The following PCDHA8 variants were observed in gnomAD, a reference collection of about 807,000 sequenced individuals.
The protein encoded by PCDHA8 is protocadherin alpha-8.
A neutral mutation model predicts 61.8 loss-of-function variants in PCDHA8; 53 were observed. That is an observed-to-expected ratio of 0.86 (90% confidence interval 0.69 to 1.08). PCDHA8 has a LOEUF of 1.08. Ranked by LOEUF, PCDHA8 falls within the 50% of genes least tolerant of loss-of-function variation. PCDHA8 has a pLI of 0.00. For synonymous variants in PCDHA8, 618 were observed against 556.6 expected (o/e 1.11, Z -1.55); for missense variants, 1,293 against 1,245.0 (o/e 1.04, Z -0.58).
chr5:140,885,611 A>G (rs1422835119), intron 1 of PCDHA8, among the ~76,000 whole-genome samples: 5 of 152,216 alleles, frequency 3.3e-5, no homozygotes, highest in Non-Finnish European at 4.4e-5. Flanking sequence ...AATTTTAATT[A>G]TAAAATATGT....
intron 1 of PCDHA8, chr5:140,875,698 G>T: frequency 6.2e-7 from 1 of 1,614,084 alleles, no homozygotes; most frequent in Non-Finnish European, 8.5e-7. Flanking sequence ...GGACCTTCTG[G>T]AGGTAAATCT....
intron 1 of PCDHA8, chr5:140,857,302 G>T: frequency 6.3e-7 from 1 of 1,598,652 alleles, no homozygotes; most frequent in Non-Finnish European, 8.6e-7. Flanking sequence ...AGAGGGTGTC[G>T]GCCTATGAGC....
rs373714901 is a variant in PCDHA8, at chr5:140,898,150, G to T, written c.2394+54435G>T. 6.9e-3 allele frequency among the ~76,000 whole-genome samples: 1,047 copies of T among 152,166 alleles called. 8 individuals are homozygous for T. The highest frequency in any genetic ancestry group is 0.024 in the African/African-American group (1,013 of 41,482). ...CCCATTTTGTAGGTTGCCTGTTCAC[G>T]CTGATGGTGGTTTCTTTTGCTGTGC... On this transcript the variant is annotated intron_variant, in intron 1 of 3. Transcript: ENST00000531613.
chr5:140,885,083 C>T (rs1359793188), intron 1 of PCDHA8, among the ~76,000 whole-genome samples: 3 of 151,992 alleles, frequency 2.0e-5, no homozygotes, highest in Admixed American at 6.5e-5. Context: ...TAAAGAGCCC[C>T]ATAACTTTTC....
chr5:140,885,229 C>A (rs1410460890), intron 1 of PCDHA8, among the ~76,000 whole-genome samples: 2 of 151,932 alleles, frequency 1.3e-5, no homozygotes, highest in African/African-American at 4.8e-5. Context: ...TGTGATTCTG[C>A]TTTCAATTTT....
intron 1 of PCDHA8, among the ~76,000 whole-genome samples, chr5:140,906,871 A>G (rs953788729): frequency 6.6e-6 from 1 of 152,184 alleles, no homozygotes; most frequent in African/African-American, 2.4e-5. Flanking sequence ...CCCAGCCAAC[A>G]CTGTAACTTC....
At chr5:140,869,117 A>G in intron 1 of PCDHA8, 2 of 1,605,428 alleles carry the variant, frequency 1.2e-6, no homozygotes, top group Non-Finnish European at 1.7e-6. Context: ...TTTGGTTTTC[A>G]GAGAAGGGGA....
intron 3 of PCDHA8, among the ~76,000 whole-genome samples, chr5:140,994,545 A>T (rs1397619431): frequency 2.6e-5 from 4 of 152,074 alleles, no homozygotes; most frequent in African/African-American, 9.7e-5. Flanking sequence ...TCTACAAAAA[A>T]AATATAAAAA....
intron 3 of PCDHA8, among the ~76,000 whole-genome samples, chr5:140,997,793 T>G (rs2097785892): frequency 6.6e-6 from 1 of 152,112 alleles, no homozygotes; most frequent in Non-Finnish European, 1.5e-5. Context: ...ATATTATAAT[T>G]TATCCAATTT....
intron 1 of PCDHA8, among the ~76,000 whole-genome samples, chr5:140,969,881 G>C (rs1554232131): frequency 6.6e-6 from 1 of 152,196 alleles, no homozygotes; most frequent in African/African-American, 2.4e-5. Flanking sequence ...CTATGTGATA[G>C]GATCCTCTGG....
At chr5:140,969,170 G>A in intron 1 of PCDHA8, 1 of 1,614,114 alleles carries the variant, frequency 6.2e-7, no homozygotes. Flanking sequence ...AGCAGGCTCA[G>A]GGAGTGACAC....
chr5:141,000,365 C>CTG (rs2097904906), intron 3 of PCDHA8, among the ~76,000 whole-genome samples: 2 of 12,832 alleles, frequency 1.6e-4, no homozygotes, highest in Non-Finnish European at 2.6e-4. Flanking sequence ...CTCTCTGTCT[C>CTG]TCTCTCTCTC....
Position 140,857,571 on chromosome 5 carries a change from C to G in PCDHA8, c.2394+13856C>G, listed in dbSNP as rs782707848. 16 of 1,596,746 alleles carry G rather than the reference C, an allele frequency of 1.0e-5. 2 individuals are homozygous for G. Among genetic ancestry groups the G allele is most frequent in the East Asian group, 2.2e-5 (1 of 44,820 alleles). ...GAGCGCTCGCTGTCGAGCTACGTGT[C>G]GGTGCACGCGGAGAGCGGCAAGGTG... On this transcript the variant is annotated intron_variant, in intron 1 of 3. Transcript: ENST00000531613.
chr5:140,907,708 C>T (rs1477501652), intron 1 of PCDHA8, among the ~76,000 whole-genome samples: 1 of 152,142 alleles, frequency 6.6e-6, no homozygotes, highest in East Asian at 1.9e-4. Flanking sequence ...TGTTGCTGAG[C>T]CCATGTGTAA....
intron 1 of PCDHA8, among the ~76,000 whole-genome samples, chr5:140,846,986 C>A (rs1780801174): frequency 6.7e-6 from 1 of 149,066 alleles, no homozygotes; most frequent in South Asian, 2.1e-4. Flanking sequence ...AGTAAGTTCC[C>A]CCCGGGAGAA....
At chr5:140,937,788 T>C (rs2091751340) in intron 1 of PCDHA8, among the ~76,000 whole-genome samples, 1 of 149,320 alleles carries the variant, frequency 6.7e-6, no homozygotes, top group African/African-American at 2.5e-5. Flanking sequence ...GGCGGGCGTA[T>C]GTAGTCCCAG....
chr5:140,852,153 T>C, intron 1 of PCDHA8: 1 of 858,712 alleles, frequency 1.2e-6, no homozygotes, highest in Non-Finnish European at 1.4e-6. Context: ...CAGAATGGCC[T>C]TGAGAATAGA....
chr5:141,005,133 T>C (rs559773723), intron 3 of PCDHA8, among the ~76,000 whole-genome samples: 3 of 152,328 alleles, frequency 2.0e-5, no homozygotes, highest in Admixed American at 6.5e-5. Context: ...AAGTGCCTCA[T>C]TGGAGAGTTG....
intron 3 of PCDHA8, among the ~76,000 whole-genome samples, chr5:140,998,721 C>A (rs987484967): frequency 4.6e-5 from 7 of 152,084 alleles, no homozygotes; most frequent in Admixed American, 4.6e-4. Flanking sequence ...TGCACCACCA[C>A]GCTAGGCTAA....
Sources: gnomAD v4.1 joint callset for allele counts (sites outside exome capture counted in the v4.1 genomes callset) on GRCh38, gnomAD v4.1.1 for gene constraint, MANE v1.5 for transcripts, NCBI Gene and HGNC (gene_info 2026-07-23, HGNC 2026-07-21) for gene names.